Variants in C3orf22 observed in about 807,000 individuals in gnomAD.
C3orf22 encodes uncharacterized protein C3orf22.
Under a neutral mutation model 10.8 loss-of-function variants are expected in C3orf22, and 7 were observed. That is an observed-to-expected ratio of 0.65 (90% CI 0.37 to 1.22). The LOEUF (loss-of-function observed/expected upper bound fraction) is 1.22, where lower values mean the gene tolerates loss of function less well. Among genes scored for constraint, C3orf22 ranks in the 50% most tolerant of loss-of-function variants. C3orf22 has a pLI of 0.02. For missense variants in C3orf22, 173 were observed against 177.0 expected (o/e 0.98, Z 0.13); for synonymous variants, 79 against 78.9 (o/e 1.00, Z 0.00).
At chr3:126,528,476 G>A (rs1249572137) in intron 5 of C3orf22, among the ~76,000 whole-genome samples, 1 of 152,176 alleles carries the variant, frequency 6.6e-6, no homozygotes, top group African/African-American at 2.4e-5. Flanking sequence ...GCCTTGGGGG[G>A]AACCAGGGAT....
intron 4 of C3orf22, among the ~76,000 whole-genome samples, chr3:126,536,733 C>T (rs556716960): frequency 6.6e-6 from 1 of 152,092 alleles, no homozygotes; most frequent in South Asian, 2.1e-4. Flanking sequence ...CGGCGTGATT[C>T]TCAAACAGAT....
At position 126,558,675 on chromosome 3, in the gene C3orf22, G is replaced by C. The variant is rs1392062600; in HGVS notation, c.-89C>G. The C allele has an allele frequency of 1.3e-5, 2 of 152,324 alleles. No individual in the cohort carries two copies. Among genetic ancestry groups the C allele is most frequent in the African/African-American group, 4.8e-5 (2 of 41,464 alleles). The allele number at this position is 152,324 out of a possible 1,614,324, so 9.4% of individuals were successfully genotyped here. The stretch of plus-strand genomic sequence containing the variant: ...CAGTGACGATGATCAGGTGTGATCA[G>C]AGAGTCCTGGAACTGCTCCTATCCA... On this transcript the variant is annotated 5_prime_UTR_variant, in exon 1 of 4. Coordinates refer to ENST00000318225, the MANE Select transcript of C3orf22 (RefSeq NM_152533.3).
chr3:126,541,617 T>C, intron 4 of C3orf22: 1 of 993,566 alleles, frequency 1.0e-6, no homozygotes, highest in Non-Finnish European at 1.4e-6. Context: ...CGAATTTGGG[T>C]GCCCGGCGCA....
At chr3:126,534,794 C>G (rs763148920) in intron 4 of C3orf22, among the ~76,000 whole-genome samples, 1 of 150,768 alleles carries the variant, frequency 6.6e-6, no homozygotes, top group African/African-American at 2.4e-5. Context: ...AGGAGAAAAA[C>G]AGACAGCATC....
Position 126,549,835 on chromosome 3 carries a change from G to A in C3orf22, c.*33C>T. On this transcript the variant is annotated 3_prime_UTR_variant, in exon 4 of 4. Transcript: ENST00000318225. ...CCCAGAGCCTGCCAAGGAGAAGGTG[G>A]CCAATAAGAAGGCCACACACAGAGC... The A allele has an allele frequency of 6.3e-7, 1 of 1,583,148 alleles. No individual in the cohort carries two copies. The highest frequency in any genetic ancestry group is 8.6e-7 in the Non-Finnish European group (1 of 1,164,006).
chr3:126,548,444 T>A (rs72971111), downstream of C3orf22, among the ~76,000 whole-genome samples: 488 of 152,316 alleles, frequency 3.2e-3, 3 homozygotes, highest in African/African-American at 0.011. Context: ...ATGGTAAACA[T>A]GCGTTGCTGT....
chr3:126,550,075 G>GAGCCT lies in C3orf22; in HGVS notation c.216-2_218dup (p.Ala75SerfsTer34), dbSNP rs1482717506. ...ACGGTGATGTAAAATCTGGAGCCCC[G>GAGCCT]AGCCTAGAGAAGCCACACAGAGCCA... On this transcript the variant is annotated frameshift_variant, in exon 4 of 4. Transcript: ENST00000318225. LOFTEE classifies it low-confidence loss of function (END_TRUNC). 3.1e-6 allele frequency: 5 copies of GAGCCT among 1,613,432 alleles called. No individual in the cohort carries two copies. The African/African-American group carries it at 6.7e-5, about 22-fold the overall frequency.
intron 1 of C3orf22, among the ~76,000 whole-genome samples, chr3:126,556,505 C>T (rs2107586112): frequency 6.6e-6 from 1 of 152,162 alleles, no homozygotes; most frequent in East Asian, 1.9e-4. Flanking sequence ...GCACTTGCAC[C>T]TGTCCAGGGC....
intron 4 of C3orf22, chr3:126,536,360 G>A (rs1936790798): frequency 1.2e-6 from 2 of 1,611,366 alleles, no homozygotes; most frequent in Admixed American, 3.3e-5. Flanking sequence ...TCAGGTAGGT[G>A]GACAGACCCT....
chr3:126,540,548 G>T (rs72982025), intron 4 of C3orf22, among the ~76,000 whole-genome samples: 18,068 of 152,228 alleles, frequency 0.12, 1,773 homozygotes, highest in African/African-American at 0.27. Context: ...AGCCCATGTG[G>T]CAGCATGTGT....
chr3:126,551,216 CAAACAA>C (rs1413760332), intron 3 of C3orf22, among the ~76,000 whole-genome samples: 1 of 152,066 alleles, frequency 6.6e-6, no homozygotes, highest in Non-Finnish European at 1.5e-5. Flanking sequence ...GGCACTATAT[CAAACAA>C]TGGGCATGGA....
At chr3:126,538,993 C>T (rs1430352908) in intron 4 of C3orf22, among the ~76,000 whole-genome samples, 2 of 152,156 alleles carry the variant, frequency 1.3e-5, no homozygotes, top group African/African-American at 4.8e-5. Context: ...GGGTGTCCTT[C>T]CAGACATGCT....
chr3:126,529,377 G>A (rs956588536), intron 4 of C3orf22: 30 of 1,289,186 alleles, frequency 2.3e-5, no homozygotes, highest in African/African-American at 9.1e-5. Flanking sequence ...ACTTGCCTAC[G>A]GATGCCGCAA....
In C3orf22 at chr3:126,550,058, G is replaced by A. The variant is rs1359969342; in HGVS notation, c.236C>T (p.Thr79Ile). 3 of 1,613,814 alleles carry A rather than the reference G, an allele frequency of 1.9e-6. No individual in the cohort carries two copies. Among genetic ancestry groups the A allele is most frequent in the Non-Finnish European group, 2.5e-6 (3 of 1,179,890 alleles). The change falls in exon 4 of 4, where the codon ACA becomes ATA. Residue 79 changes from threonine (T) to isoleucine (I), a missense_variant. Physicochemically the swap from Thr to Ile is moderately conservative, Grantham distance 89. Transcript: ENST00000318225. The part of the protein sequence containing the change: ...PVRGLGAPDF[T>I]SPSGSCPAPL... Reference sequence around the variant, plus strand: ...TGCCGGGCAGGAGCCAGACGGTGATGTAAAATCTGGAGCCCCGAGCCTAGA... The same window carrying A: ...TGCCGGGCAGGAGCCAGACGGTGATATAAAATCTGGAGCCCCGAGCCTAGA...
intron 1 of C3orf22, among the ~76,000 whole-genome samples, chr3:126,558,284 GT>G (rs1937401267): frequency 6.6e-6 from 1 of 152,224 alleles, no homozygotes; most frequent in Non-Finnish European, 1.5e-5. Context: ...CGGGGAAGAG[GT>G]TCAGGATGGG....
intron 4 of C3orf22, among the ~76,000 whole-genome samples, chr3:126,529,581 G>A (rs1462914476): frequency 1.3e-5 from 2 of 152,274 alleles, no homozygotes; most frequent in East Asian, 3.9e-4. Flanking sequence ...TTCTACATGA[G>A]AGGGGTAAGC....
intron 2 of C3orf22, among the ~76,000 whole-genome samples, chr3:126,552,459 T>C (rs964473419): frequency 6.6e-6 from 1 of 152,106 alleles, no homozygotes; most frequent in Non-Finnish European, 1.5e-5. Flanking sequence ...CTGTGTGGTG[T>C]GTACCTGCCA....
intron 5 of C3orf22, among the ~76,000 whole-genome samples, chr3:126,528,472 G>C (rs77433575): frequency 0.018 from 2,741 of 152,284 alleles, 37 homozygotes; most frequent in Middle Eastern, 0.048. Context: ...GTGGGCCTTG[G>C]GGGGAACCAG....
At chr3:126,542,576 T>C in intron 4 of C3orf22, 3 of 1,484,388 alleles carry the variant, frequency 2.0e-6, no homozygotes, top group Non-Finnish European at 2.7e-6. Flanking sequence ...GCGGCTGCTC[T>C]AGCGGTCCTG....
Sources: gnomAD v4.1 joint callset for allele counts (sites outside exome capture counted in the v4.1 genomes callset) on GRCh38, gnomAD v4.1.1 for gene constraint, MANE v1.5 for transcripts, NCBI Gene and HGNC (gene_info 2026-07-23, HGNC 2026-07-21) for gene names.